Variants in WASHC3 observed in about 807,000 individuals in gnomAD.
The protein encoded by WASHC3 is WASH complex subunit CCDC53.
Under a neutral mutation model 26.1 loss-of-function variants are expected in WASHC3, and 24 were observed. That is an observed-to-expected ratio of 0.92 (90% CI 0.66 to 1.29). The LOEUF (loss-of-function observed/expected upper bound fraction) is 1.29. Among genes scored for constraint, WASHC3 ranks in the 50% most tolerant of loss-of-function variants. The probability of loss-of-function intolerance (pLI) is 0.00; values close to 1 mark genes in which losing one functional copy is unlikely to be tolerated. For synonymous variants in WASHC3, 77 were observed against 75.7 expected (o/e 1.02, Z -0.09); for missense variants, 214 against 229.6 (o/e 0.93, Z 0.44).
Position 102,054,055 on chromosome 12 carries a change from G to A in WASHC3, c.150+7193C>T, listed in dbSNP as rs1055941071. ...AACATGTTTTATGTCAGCCTCATGGGAACAACAAAGCAAAAACCTAATAGT... is the reference window on the plus strand; with the variant it reads ...AACATGTTTTATGTCAGCCTCATGGAAACAACAAAGCAAAAACCTAATAGT... On this transcript the variant is annotated intron_variant, in intron 2 of 6. Coordinates refer to ENST00000240079, the MANE Select transcript of WASHC3 (RefSeq NM_016053.4). Among the ~76,000 whole-genome samples, 5 of 151,974 alleles carry A rather than the reference G, an allele frequency of 3.3e-5. No individual in the cohort carries two copies. In the South Asian group the frequency reaches 8.3e-4, roughly 25 times the overall value.
intron 6 of WASHC3, among the ~76,000 whole-genome samples, chr12:102,021,951 C>T (rs536177192): frequency 1.3e-5 from 2 of 152,172 alleles, no homozygotes; most frequent in Non-Finnish European, 2.9e-5. Flanking sequence ...TAAGAGTGGT[C>T]ATTCCACCAT....
At chr12:102,018,766 G>A (rs548213068) in intron 6 of WASHC3, among the ~76,000 whole-genome samples, 1 of 152,064 alleles carries the variant, frequency 6.6e-6, no homozygotes, top group South Asian at 2.1e-4. Flanking sequence ...CACTGCACCT[G>A]GCTCCTCATT....
chr12:102,017,464 G>GT (rs1381707224), intron 6 of WASHC3, among the ~76,000 whole-genome samples: 1 of 152,214 alleles, frequency 6.6e-6, no homozygotes, highest in Non-Finnish European at 1.5e-5. Context: ...TGTGATTCGA[G>GT]TAAGACTTTG....
At chr12:102,034,217 G>A (rs1877555953) in intron 5 of WASHC3, among the ~76,000 whole-genome samples, 1 of 152,076 alleles carries the variant, frequency 6.6e-6, no homozygotes, top group Non-Finnish European at 1.5e-5. Context: ...CATTTTCAGA[G>A]TGAACAACTG....
chr12:102,024,727 G>T (rs1055192615), intron 6 of WASHC3, among the ~76,000 whole-genome samples: 6 of 152,032 alleles, frequency 3.9e-5, no homozygotes, highest in South Asian at 2.1e-4. Context: ...ATTATAGGAG[G>T]TCTAACTGTG....
intron 2 of WASHC3, among the ~76,000 whole-genome samples, chr12:102,048,780 G>C (rs1878270570): frequency 6.6e-6 from 1 of 152,014 alleles, no homozygotes; most frequent in Admixed American, 6.6e-5. Flanking sequence ...ATTTTTTTAA[G>C]TATATAACTG....
At chr12:102,053,523 C>A (rs990172028) in intron 2 of WASHC3, among the ~76,000 whole-genome samples, 11 of 152,218 alleles carry the variant, frequency 7.2e-5, no homozygotes, top group Non-Finnish European at 1.5e-4. Context: ...CAAACACACA[C>A]ATACCAACAC....
At chr12:102,025,791 G>T (rs1196727812) in intron 6 of WASHC3, 183 bp downstream of exon 6, 9 of 530,124 alleles carry the variant, frequency 1.7e-5, no homozygotes, top group African/African-American at 4.0e-5. Flanking sequence ...TGTAAAGGCT[G>T]GTCTTAGTAG....
chr12:102,042,529 G>A (rs1025470209), intron 4 of WASHC3, among the ~76,000 whole-genome samples: 60 of 152,094 alleles, frequency 3.9e-4, no homozygotes, highest in African/African-American at 1.1e-3. Flanking sequence ...TAGCTCTTAC[G>A]TTACTTTTCG....
chr12:102,033,105 A>G (rs1877501850), intron 5 of WASHC3, among the ~76,000 whole-genome samples: 1 of 152,050 alleles, frequency 6.6e-6, no homozygotes, highest in African/African-American at 2.4e-5. Context: ...CAAGGCACAT[A>G]TAAAAGCAAG....
intron 2 of WASHC3, among the ~76,000 whole-genome samples, chr12:102,058,056 GAATA>G (rs1184918197): frequency 2.0e-5 from 3 of 151,992 alleles, no homozygotes; most frequent in Non-Finnish European, 2.9e-5. Flanking sequence ...CAAGGAAACA[GAATA>G]AAGAGCCCAG....
At chr12:102,052,339 C>G (rs1878424938) in intron 2 of WASHC3, among the ~76,000 whole-genome samples, 1 of 149,544 alleles carries the variant, frequency 6.7e-6, no homozygotes, top group Non-Finnish European at 1.5e-5. Flanking sequence ...CCCAGCAGAA[C>G]TCAGTGCTGA....
At chr12:102,026,384 C>A (rs978666055) in intron 5 of WASHC3, among the ~76,000 whole-genome samples, 4 of 152,090 alleles carry the variant, frequency 2.6e-5, no homozygotes, top group Non-Finnish European at 4.4e-5. Flanking sequence ...GGAAGCCATA[C>A]AATGAATAGT....
intron 4 of WASHC3, among the ~76,000 whole-genome samples, chr12:102,041,467 AATAATG>A (rs1565817417): frequency 1.3e-5 from 2 of 152,092 alleles, no homozygotes; most frequent in African/African-American, 4.8e-5. Context: ...TTCTATTGTG[AATAATG>A]ATGAAATCTG....
intron 6 of WASHC3, among the ~76,000 whole-genome samples, chr12:102,017,108 A>G (rs1171696286): frequency 6.6e-6 from 1 of 152,184 alleles, no homozygotes; most frequent in East Asian, 1.9e-4. Flanking sequence ...CTTTTTATAC[A>G]GCATTTTTAC....
At chr12:102,048,200 T>C (rs893847303) in intron 2 of WASHC3, 3 of 151,866 alleles carry the variant, frequency 2.0e-5, no homozygotes, top group African/African-American at 7.3e-5. Flanking sequence ...GTACATGAAC[T>C]AGGATGAGAG....
chr12:102,055,127 G>A (rs1298427177), intron 2 of WASHC3, among the ~76,000 whole-genome samples: 1 of 152,034 alleles, frequency 6.6e-6, no homozygotes, highest in Non-Finnish European at 1.5e-5. Flanking sequence ...CTGGATTTTT[G>A]AAAAGAAAAA....
chr12:102,013,179 G>A lies in WASHC3; in HGVS notation c.514C>T (p.Pro172Ser), dbSNP rs1254429661. ...DPDLLERPDA[P>S]VPDGESEKTV... ...TTCTCACTTTCGCCATCAGGCACTG[G>A]AGCATCTGGCCTCCTAAAAGAAAAG... Residue 172 changes from proline to serine, a missense_variant, in exon 7 of 7, where the codon CCA becomes TCA. Transcript: ENST00000240079. 26 of 1,533,526 alleles carry A rather than the reference G, an allele frequency of 1.7e-5. No individual in the cohort carries two copies. The highest frequency in any genetic ancestry group is 2.3e-5 in the Non-Finnish European group (26 of 1,128,450). The allele number at this position is 1,533,526 out of a possible 1,614,324, so 95.0% of individuals were successfully genotyped here. A position where few individuals can be genotyped will look rare whatever the true frequency, so the allele number is the denominator to read the frequency against.
intron 4 of WASHC3, 135 bp from the exon 5 acceptor site, chr12:102,040,113 C>T (rs575880331): frequency 9.9e-6 from 4 of 404,954 alleles, no homozygotes; most frequent in Middle Eastern, 9.2e-4. Flanking sequence ...AATTTAAATA[C>T]CAATAATTTA....
Sources: allele counts gnomAD v4.1 joint callset (sites outside exome capture counted in the v4.1 genomes callset), GRCh38; gene constraint gnomAD v4.1.1; transcripts MANE v1.5; gene names NCBI Gene and HGNC (gene_info 2026-07-23, HGNC 2026-07-21).